The following PLB1 variants were observed in gnomAD, a reference collection of about 807,000 sequenced individuals.
PLB1 encodes phospholipase B1.
Under a neutral mutation model 227.4 loss-of-function variants are expected in PLB1, and 242 were observed. The ratio of observed to expected loss-of-function variants is 1.06; its 90% CI spans 0.96 to 1.18. The LOEUF is 1.18. Ranked by LOEUF, PLB1 falls within the 50% of genes most tolerant of loss-of-function variation. PLB1 has a pLI of 0.00. For synonymous variants in PLB1, 757 were observed against 682.2 expected (o/e 1.11, Z -1.71); for missense variants, 1,858 against 1,816.3 (o/e 1.02, Z -0.42).
At chr2:28,558,658 G>A (rs948009788) in intron 17 of PLB1, among the ~76,000 whole-genome samples, 2 of 151,986 alleles carry the variant, frequency 1.3e-5, no homozygotes, top group Non-Finnish European at 2.9e-5. Flanking sequence ...GGGTGCATGT[G>A]TGCATGGTGC....
Position 28,551,975 on chromosome 2 carries a change from A to G in PLB1, c.1084-953A>G, listed in dbSNP as rs111371710. Reference sequence around the variant, plus strand: ...CAATAACTATTTGTTGAATGAAAAAATGAATGGATAGGTGGATGGATGGAT... The same window carrying G: ...CAATAACTATTTGTTGAATGAAAAAGTGAATGGATAGGTGGATGGATGGAT... On this transcript the variant is annotated intron_variant, in intron 16 of 57. Transcript: ENST00000327757. Among the ~76,000 whole-genome samples, 664 of 152,346 alleles carry G rather than the reference A, an allele frequency of 4.4e-3. 2 individuals are homozygous for G. Among genetic ancestry groups the G allele is most frequent in the African/African-American group, 0.015 (632 of 41,592 alleles).
intron 36 of PLB1, 50 bp downstream of exon 36, chr2:28,600,910 A>C: frequency 6.6e-7 from 1 of 1,522,584 alleles, no homozygotes; most frequent in Non-Finnish European, 9.1e-7. Context: ...TAACCCACTA[A>C]AGTTGTCTCC....
At chr2:28,538,454 G>GA in intron 10 of PLB1, 73 bp downstream of exon 10, 1 of 1,406,434 alleles carries the variant, frequency 7.1e-7, no homozygotes, top group South Asian at 1.2e-5. Flanking sequence ...CCACCGGGGT[G>GA]GGGAAATGGA....
In PLB1 at chr2:28,582,464, G is replaced by C; in HGVS notation, c.1692G>C (p.Leu564=). Residue 564 remains leucine, a synonymous_variant, in exon 25 of 58, where the codon CTG becomes CTC. Transcript: ENST00000327757. The part of the protein sequence containing the change: ...TVLEIVNLRE[L]YQEKKVYCPR... The stretch of plus-strand genomic sequence containing the variant: ...TTGAGATCGTCAACCTGAGGGAGCT[G>C]TACCAGGAGAAAAAAGTCTACTGCC... 1.9e-6 allele frequency: 3 copies of C among 1,612,848 alleles called. No homozygotes were observed. Among genetic ancestry groups the C allele is most frequent in the African/African-American group, 1.3e-5 (1 of 75,006 alleles).
chr2:28,606,601 C>T, intron 43 of PLB1, 34 bp downstream of exon 43: 3 of 1,584,710 alleles, frequency 1.9e-6, no homozygotes, highest in Non-Finnish European at 2.6e-6. Context: ...CTCCTCTCCA[C>T]AAACCAGGGC....
intron 35 of PLB1, among the ~76,000 whole-genome samples, chr2:28,599,202 G>C (rs1683473832): frequency 6.6e-6 from 1 of 152,208 alleles, no homozygotes; most frequent in African/African-American, 2.4e-5. Context: ...CCCCTCCCTA[G>C]CCCCATTATG....
intron 44 of PLB1, 48 bp downstream of exon 44, chr2:28,614,144 C>T: frequency 6.6e-7 from 1 of 1,517,890 alleles, no homozygotes; most frequent in Non-Finnish European, 9.2e-7. Flanking sequence ...ACCATTTCCA[C>T]CTGCCAGGGG....
At chr2:28,560,063 T>C (rs1302262651) in intron 17 of PLB1, among the ~76,000 whole-genome samples, 1 of 152,136 alleles carries the variant, frequency 6.6e-6, no homozygotes, top group Non-Finnish European at 1.5e-5. Flanking sequence ...AAACTGTCTT[T>C]GGCAAAGAAG....
chr2:28,568,482 T>C (rs573413598), intron 20 of PLB1, among the ~76,000 whole-genome samples: 2 of 152,300 alleles, frequency 1.3e-5, no homozygotes, highest in African/African-American at 4.8e-5. Context: ...TATTTGATTA[T>C]AGGGGCTAGA....
At chr2:28,528,299 G>A (rs1277264940) in intron 6 of PLB1, among the ~76,000 whole-genome samples, 1 of 152,156 alleles carries the variant, frequency 6.6e-6, no homozygotes, top group Non-Finnish European at 1.5e-5. Context: ...AGGGGAGTTG[G>A]GGGGAGGAGT....
chr2:28,509,690 C>A (rs1668011497), intron 1 of PLB1, among the ~76,000 whole-genome samples: 1 of 152,146 alleles, frequency 6.6e-6, no homozygotes, highest in Admixed American at 6.6e-5. Flanking sequence ...ACTGCCCTGA[C>A]TCTGGTGGGA....
At chr2:28,561,383 G>A (rs1192594947) in intron 17 of PLB1, among the ~76,000 whole-genome samples, 1 of 152,146 alleles carries the variant, frequency 6.6e-6, no homozygotes, top group Non-Finnish European at 1.5e-5. Context: ...AAAAAGATAA[G>A]CATAGGATTA....
At chr2:28,538,223 C>T (rs1391998827) in intron 9 of PLB1, 96 bp from the exon 10 acceptor site, 25 of 1,485,806 alleles carry the variant, frequency 1.7e-5, no homozygotes, top group Non-Finnish European at 2.3e-5. Context: ...TGCCTGTGGT[C>T]TTGCCTGGCA....
chr2:28,508,502 C>A (rs1410339597), intron 1 of PLB1, among the ~76,000 whole-genome samples: 4 of 152,218 alleles, frequency 2.6e-5, no homozygotes, highest in African/African-American at 9.6e-5. Flanking sequence ...TCTGACTCAG[C>A]ACCCACAGCT....
At chr2:28,549,412 C>CTTTTTTT (rs746205635) in intron 15 of PLB1, among the ~76,000 whole-genome samples, 17,120 of 86,980 alleles carry the variant, frequency 0.2, 4,342 homozygotes, top group East Asian at 0.43. Context: ...GAGATTCTTT[C>CTTTTTTT]TTTTTTTTTT....
At position 28,530,105 on chromosome 2, in the gene PLB1, C is replaced by T. The variant is rs550665662; in HGVS notation, c.468+326C>T. 1.4e-4 allele frequency among the ~76,000 whole-genome samples: 22 copies of T among 152,164 alleles called. No individual in the cohort carries two copies. The East Asian group carries it at 3.5e-3, about 24-fold the overall frequency. Reference sequence around the variant, plus strand: ...AACTCCTGGGCTCAAGCCATCTGCCCGCCTCGGCCTCCTAAAGTGCTGAAA... The same window carrying T: ...AACTCCTGGGCTCAAGCCATCTGCCTGCCTCGGCCTCCTAAAGTGCTGAAA... On this transcript the variant is annotated intron_variant, in intron 8 of 57. Coordinates refer to ENST00000327757, the MANE Select transcript of PLB1 (RefSeq NM_153021.5).
At chr2:28,535,721 G>T (rs1572819127) in intron 9 of PLB1, among the ~76,000 whole-genome samples, 2 of 152,094 alleles carry the variant, frequency 1.3e-5, no homozygotes, top group East Asian at 3.9e-4. Context: ...AGGAGTTCAA[G>T]ACCAGCCTGG....
Position 28,550,049 on chromosome 2 carries a change from C to T in PLB1, c.1048C>T (p.Leu350=). 1.9e-6 allele frequency: 3 copies of T among 1,613,532 alleles called. No homozygotes were observed. The highest frequency in any genetic ancestry group is 2.5e-6 in the Non-Finnish European group (3 of 1,179,584). ...YLFSYRNSNY[L]TRLQKPQDKL... is the part of the protein sequence containing the mutation. ...GTTCAGCTACAGAAACAGCAACTACCTGACCAGACTGCAGAAACCCCAAGA... is the reference window on the plus strand; with the variant it reads ...GTTCAGCTACAGAAACAGCAACTACTTGACCAGACTGCAGAAACCCCAAGA... The change falls in exon 16 of 58, where the codon CTG becomes TTG. Residue 350 remains leucine (L), a synonymous_variant. Transcript: ENST00000327757.
In PLB1 at chr2:28,585,822, G is replaced by A. The variant is rs765739799; in HGVS notation, c.1795G>A (p.Glu599Lys). 1.3e-4 allele frequency: 211 copies of A among 1,609,614 alleles called. No individual in the cohort carries two copies. Among genetic ancestry groups the A allele is most frequent in the Non-Finnish European group, 1.7e-4 (199 of 1,176,086 alleles). The change falls in exon 26 of 58, where the codon GAA becomes AAA. Residue 599 changes from glutamate (E) to lysine (K), a missense_variant. By Grantham distance (56) the Glu-to-Lys change is moderately conservative. Transcript: ENST00000327757. ...CTCAACAGAACTTGCTACCCTCATC[G>A]AATTCAACAAGAAGTTTCAGGTAAG... ...DNSTELATLI[E>K]FNKKFQEKTH... is the part of the protein sequence containing the mutation.
Sources: gnomAD v4.1 joint callset for allele counts (sites outside exome capture counted in the v4.1 genomes callset) on GRCh38, gnomAD v4.1.1 for gene constraint, MANE v1.5 for transcripts, NCBI Gene and HGNC (gene_info 2026-07-23, HGNC 2026-07-21) for gene names.